Variants in USP10 observed in about 807,000 individuals in gnomAD.
The protein encoded by USP10 is ubiquitin specific peptidase 10.
A neutral mutation model predicts 84.5 loss-of-function variants in USP10; 22 were observed. That is an observed-to-expected ratio of 0.26 (90% CI 0.19 to 0.37). The LOEUF (loss-of-function observed/expected upper bound fraction) is 0.37, where lower values mean the gene tolerates loss of function less well. Among genes scored for constraint, USP10 ranks in the 10% least tolerant of loss-of-function variants. USP10 has a pLI of 1.00. For synonymous variants in USP10, 454 were observed against 387.6 expected (o/e 1.17, Z -2.01); for missense variants, 1,019 against 998.9 (o/e 1.02, Z -0.27).
intron 10 of USP10, among the ~76,000 whole-genome samples, chr16:84,765,263 G>C (rs916251059): frequency 6.6e-6 from 1 of 151,674 alleles, no homozygotes; most frequent in Non-Finnish European, 1.5e-5. Context: ...CCTTGTGTGT[G>C]TGTGTGTGCA....
In USP10 at chr16:84,779,600, C is replaced by T. The variant is rs1204520666; in HGVS notation, c.*518C>T. The T allele has an allele frequency of 1.3e-5, 2 of 152,862 alleles. No homozygotes were observed. Among genetic ancestry groups the T allele is most frequent in the Admixed American group, 6.5e-5 (1 of 15,276 alleles). 9.5% of individuals were successfully genotyped at this position (152,862 alleles called of 1,614,324 possible). On this transcript the variant is annotated 3_prime_UTR_variant, in exon 14 of 14. Coordinates refer to ENST00000219473, the MANE Select transcript of USP10 (RefSeq NM_005153.3). ...AAACATAAAAAATAAGTTGCTGGTT[C>T]CTAACAGGAAAAATTTTAATAATTG...
At chr16:84,766,680 C>G (rs1913900772) in intron 10 of USP10, among the ~76,000 whole-genome samples, 1 of 152,178 alleles carries the variant, frequency 6.6e-6, no homozygotes, top group Admixed American at 6.5e-5. Context: ...TGGAAAATAC[C>G]AGCGTCCATT....
intron 1 of USP10, among the ~76,000 whole-genome samples, chr16:84,718,177 T>G (rs1191170895): frequency 2.6e-5 from 4 of 152,180 alleles, no homozygotes; most frequent in African/African-American, 7.2e-5. Flanking sequence ...TTCAGTGAAT[T>G]AAAAGCAAAT....
At chr16:84,712,063 T>G (rs1170426544) in intron 1 of USP10, among the ~76,000 whole-genome samples, 1 of 152,176 alleles carries the variant, frequency 6.6e-6, no homozygotes, top group African/African-American at 2.4e-5. Flanking sequence ...GCAGCTGTGC[T>G]TCGTTGCCCT....
At chr16:84,759,830 CTTTAGTAAAAGTATATATTGT>C (rs1912996849) in intron 6 of USP10, 40 bp from the exon 7 acceptor site, 4 of 1,530,284 alleles carry the variant, frequency 2.6e-6, no homozygotes. Context: ...CATCAAAGCT[CTTTAGTAAAAGTATATATTGT>C]TTAAAACTGC....
intron 4 of USP10, among the ~76,000 whole-genome samples, chr16:84,756,417 ATC>A (rs1318377911): frequency 1.2e-4 from 19 of 152,272 alleles, no homozygotes; most frequent in African/African-American, 4.6e-4. Context: ...ACATGGTGAA[ATC>A]CTGTCTCTCC....
At chr16:84,720,576 ATTTTTTTTTTTT>A (rs10699847) in intron 1 of USP10, among the ~76,000 whole-genome samples, 1 of 88,340 alleles carries the variant, frequency 1.1e-5, no homozygotes, top group Non-Finnish European at 2.0e-5. Flanking sequence ...ATGATGCCCA[ATTTTTTTTTTTT>A]TTTTTTTTTT....
chr16:84,763,980 C>A (rs1206470568), intron 9 of USP10, 106 bp from the exon 10 acceptor site: 1 of 1,395,948 alleles, frequency 7.2e-7, no homozygotes, highest in African/African-American at 1.5e-5. Flanking sequence ...TAATGTAGAC[C>A]ACACCCTGAT....
intron 2 of USP10, among the ~76,000 whole-genome samples, chr16:84,736,859 G>A (rs573729550): frequency 1.1e-4 from 17 of 152,278 alleles, no homozygotes; most frequent in African/African-American, 3.4e-4. Context: ...CGTGATCTCG[G>A]CTCACTGCAA....
chr16:84,720,576 A>ATTTTTTTTTTTTTTTTTTTTT lies in USP10; in HGVS notation c.22-12856_22-12836dup, dbSNP rs10699847. ...ATGCAGAATAAAAAGATGATGCCCAATTTTTTTTTTTTTTTTTTTTTTTGA... is the reference window on the plus strand; with the variant it reads ...ATGCAGAATAAAAAGATGATGCCCAATTTTTTTTTTTTTTTTTTTTTTTTTTTTTTTTTTTTTTTTTTTTGA... On this transcript the variant is annotated intron_variant, in intron 1 of 13. Coordinates refer to ENST00000219473, the MANE Select transcript of USP10 (RefSeq NM_005153.3). Among the ~76,000 whole-genome samples the ATTTTTTTTTTTTTTTTTTTTT allele has an allele frequency of 6.7e-4, 59 of 88,352 alleles. 5 individuals carry two copies. Among genetic ancestry groups the ATTTTTTTTTTTTTTTTTTTTT allele is most frequent in the Non-Finnish European group, 8.6e-4 (43 of 50,292 alleles). The allele number at this position is 88,352 out of a possible 152,430, so 58.0% of individuals were successfully genotyped here. A position where few individuals can be genotyped will look rare whatever the true frequency, so the allele number is the denominator to read the frequency against.
rs770285845 is a variant in USP10, at chr16:84,764,071, T to A, written c.1655-15T>A. The A allele has an allele frequency of 6.2e-7, 1 of 1,608,924 alleles. No individual in the cohort carries two copies. The highest frequency in any genetic ancestry group is 1.3e-5 in the African/African-American group (1 of 74,504). ...TGTCGTAAATAGTAGTGTAAGCAGA[T>A]GCTCTCCTTTTCAGAACTTACGATT... On this transcript the variant is annotated splice_polypyrimidine_tract_variant and intron_variant, in intron 9 of 13. Transcript: ENST00000219473.
At chr16:84,734,038 C>G (rs1487249269) in intron 2 of USP10, among the ~76,000 whole-genome samples, 1 of 152,294 alleles carries the variant, frequency 6.6e-6, no homozygotes, top group African/African-American at 2.4e-5. Flanking sequence ...CTGTCGAGGG[C>G]CATTTAGGTC....
Position 84,745,652 on chromosome 16 carries a change from C to T in USP10, c.1171C>T (p.Pro391Ser). The T allele has an allele frequency of 6.2e-7, 1 of 1,611,126 alleles. No homozygotes were observed. Among genetic ancestry groups the T allele is most frequent in the Non-Finnish European group, 8.5e-7 (1 of 1,178,784 alleles). ...AGGGCTTGTTCCGGTTTCAGAGGAT[C>T]CTGTAGCCATAAAGATTGCAGGTAT... The part of the protein sequence containing the change: ...KEGLVPVSED[P>S]VAIKIAELLE... Residue 391 changes from proline to serine, a missense_variant, in exon 4 of 14, where the codon CCT becomes TCT. Around this residue, in one of 2 missense-constraint regions of USP10, gnomAD observed 787 missense variants for 708.8 expected, o/e 1.11. Coordinates refer to ENST00000219473, the MANE Select transcript of USP10 (RefSeq NM_005153.3).
chr16:84,741,346 G>T (rs943800999), intron 3 of USP10, among the ~76,000 whole-genome samples: 1 of 152,204 alleles, frequency 6.6e-6, no homozygotes, highest in Non-Finnish European at 1.5e-5. Context: ...CGGGAAGCCG[G>T]GCTGCTCAGC....
chr16:84,754,023 G>C (rs549426276), intron 4 of USP10, among the ~76,000 whole-genome samples: 51 of 152,280 alleles, frequency 3.3e-4, no homozygotes, highest in African/African-American at 9.9e-4. Flanking sequence ...GACACAAAAG[G>C]CCACCAAGTC....
intron 3 of USP10, among the ~76,000 whole-genome samples, chr16:84,740,593 A>G (rs1376972324): frequency 6.6e-6 from 1 of 152,266 alleles, no homozygotes; most frequent in Non-Finnish European, 1.5e-5. Context: ...GATTTAGTTT[A>G]GGAAATGGTT....
chr16:84,762,118 T>C (rs1301328847), intron 8 of USP10, among the ~76,000 whole-genome samples: 1 of 152,260 alleles, frequency 6.6e-6, no homozygotes, highest in East Asian at 1.9e-4. Flanking sequence ...GTGGGATTAT[T>C]AAACTCTTGG....
chr16:84,760,847 T>C (rs1219238263), intron 8 of USP10, among the ~76,000 whole-genome samples: 1 of 152,200 alleles, frequency 6.6e-6, no homozygotes, highest in Non-Finnish European at 1.5e-5. Context: ...AACTGGAGCA[T>C]TTCTTTCCTC....
intron 2 of USP10, 30 bp downstream of exon 2, chr16:84,733,533 G>T: frequency 1.4e-6 from 2 of 1,461,032 alleles, no homozygotes; most frequent in Non-Finnish European, 1.9e-6. Context: ...TAGTGAGTCC[G>T]TGGGTAGATA....
Sources: allele counts gnomAD v4.1 joint callset (sites outside exome capture counted in the v4.1 genomes callset), GRCh38; gene constraint gnomAD v4.1.1; regional missense constraint gnomAD v4.1.1; transcripts MANE v1.5; gene names NCBI Gene and HGNC (gene_info 2026-07-23, HGNC 2026-07-21).